PPP3CA: variants seen among roughly 807,000 people sequenced by gnomAD.
PPP3CA encodes CAM-PRP catalytic subunit.
PPP3CA carries 14 observed loss-of-function variants against 66.5 expected under a neutral mutation model. The observed-to-expected ratio is 0.21, with a 90% confidence interval of 0.14 to 0.33. The LOEUF is 0.33. PPP3CA is among the 10% of genes least tolerant of loss of function. PPP3CA has a pLI of 1.00. For synonymous variants in PPP3CA, 232 were observed against 226.2 expected (o/e 1.03, Z -0.23); for missense variants, 317 against 639.5 (o/e 0.50, Z 5.44).
chr4:101,124,781 AAG>A (rs1722188753), intron 2 of PPP3CA, among the ~76,000 whole-genome samples: 1 of 129,538 alleles, frequency 7.7e-6, no homozygotes, highest in South Asian at 2.6e-4. Flanking sequence ...GAAAGAAAGA[AAG>A]AAAGAAAGAA....
Position 101,211,059 on chromosome 4 carries a change from C to G in PPP3CA, c.59-14943G>C, listed in dbSNP as rs117192561. Among the ~76,000 whole-genome samples the G allele has an allele frequency of 2.4e-3, 364 of 152,288 alleles. 1 individual carries two copies. The highest frequency in any genetic ancestry group is 4.0e-3 in the Non-Finnish European group (275 of 68,018). ...GCAGATTTACTTCACTGAATTTTCA[C>G]AACAGTCTTGTGATTTGGGTACTAT... On this transcript the variant is annotated intron_variant, in intron 1 of 13. Transcript: ENST00000394854.
rs1229571135 is a variant in PPP3CA, at chr4:101,113,621, G to T, written c.260-4543C>A. ...TGGATATTTCAGCTGTAAGATAAGG[G>T]ATTTATCCTTAAGTCCTATTATCTC... is the stretch of plus-strand genomic sequence containing the variant. On this transcript the variant is annotated intron_variant, in intron 2 of 13. Transcript: ENST00000394854. 3.3e-5 allele frequency among the ~76,000 whole-genome samples: 5 copies of T among 152,204 alleles called. 1 individual carries two copies. The highest frequency in any genetic ancestry group is 4.4e-5 in the Non-Finnish European group (3 of 67,994).
chr4:101,066,800 G>A (rs1222809081), intron 8 of PPP3CA, among the ~76,000 whole-genome samples: 1 of 152,024 alleles, frequency 6.6e-6, no homozygotes, highest in Non-Finnish European at 1.5e-5. Context: ...ACTGTCATTG[G>A]GATTACAAAA....
chr4:101,085,485 A>G (rs1729624729), intron 6 of PPP3CA, among the ~76,000 whole-genome samples: 1 of 152,232 alleles, frequency 6.6e-6, no homozygotes, highest in South Asian at 2.1e-4. Context: ...GGAAATCTGA[A>G]AAAAATAAAA....
intron 1 of PPP3CA, among the ~76,000 whole-genome samples, chr4:101,305,181 T>C (rs574817213): frequency 1.3e-5 from 2 of 152,320 alleles, no homozygotes; most frequent in East Asian, 3.9e-4. Context: ...TCCCAGTGGT[T>C]TGGAATGGCT....
At chr4:101,287,471 T>C (rs1234279632) in intron 1 of PPP3CA, among the ~76,000 whole-genome samples, 2 of 152,196 alleles carry the variant, frequency 1.3e-5, no homozygotes, top group Admixed American at 6.5e-5. Context: ...ATATTCAGCA[T>C]AGAAACACAA....
intron 8 of PPP3CA, among the ~76,000 whole-genome samples, chr4:101,070,343 A>C (rs959136584): frequency 2.0e-5 from 3 of 152,204 alleles, no homozygotes; most frequent in African/African-American, 7.2e-5. Flanking sequence ...CATAACTAAC[A>C]AAATATAAAC....
Position 101,324,158 on chromosome 4 carries a change from A to AAGGG in PPP3CA, c.58+22580_58+22581insCCCT, listed in dbSNP as rs1491503916. Among the ~76,000 whole-genome samples, 40 of 51,182 alleles carry AAGGG rather than the reference A, an allele frequency of 7.8e-4. 1 individual carries two copies. Among genetic ancestry groups the AAGGG allele is most frequent in the African/African-American group, 2.1e-3 (33 of 15,434 alleles). 33.6% of individuals were successfully genotyped at this position (51,182 alleles called of 152,430 possible). A position where few individuals can be genotyped will look rare whatever the true frequency, so the allele number is the denominator to read the frequency against. ...AAGGAAGGGAAGGAAGGGAGGGAGG[A>AAGGG]AGGAAGGAAGGAAGGAAGGAAGGAA... On this transcript the variant is annotated intron_variant, in intron 1 of 13. Transcript: ENST00000394854.
At chr4:101,166,280 T>C (rs1723691128) in intron 2 of PPP3CA, among the ~76,000 whole-genome samples, 1 of 152,148 alleles carries the variant, frequency 6.6e-6, no homozygotes, top group Non-Finnish European at 1.5e-5. Flanking sequence ...AGGTACACAA[T>C]TCTTTGGTGT....
intron 1 of PPP3CA, among the ~76,000 whole-genome samples, chr4:101,320,042 G>C (rs1728992541): frequency 6.6e-6 from 1 of 152,024 alleles, no homozygotes; most frequent in African/African-American, 2.4e-5. Context: ...AGTGAATAGA[G>C]GGACAACAAG....
intron 1 of PPP3CA, among the ~76,000 whole-genome samples, chr4:101,241,550 G>A (rs1726310454): frequency 6.6e-6 from 1 of 151,906 alleles, no homozygotes; most frequent in East Asian, 1.9e-4. Context: ...ATGTCATATT[G>A]TAGAATATTT....
chr4:101,233,766 G>A (rs563385221), intron 1 of PPP3CA, among the ~76,000 whole-genome samples: 7 of 151,368 alleles, frequency 4.6e-5, no homozygotes, highest in Admixed American at 1.3e-4. Context: ...TTTAGGTGCA[G>A]GGGTACATGT....
chr4:101,074,603 C>T (rs995306976), intron 8 of PPP3CA, among the ~76,000 whole-genome samples: 1 of 152,174 alleles, frequency 6.6e-6, no homozygotes, highest in Admixed American at 6.5e-5. Context: ...ATTACAGCAG[C>T]AATTCCATTC....
chr4:101,249,276 T>C (rs1346018975), intron 1 of PPP3CA, among the ~76,000 whole-genome samples: 2 of 152,108 alleles, frequency 1.3e-5, no homozygotes, highest in African/African-American at 4.8e-5. Flanking sequence ...TACAGACACG[T>C]TATCCACCTT....
chr4:101,315,905 T>C (rs1208742388), intron 1 of PPP3CA, among the ~76,000 whole-genome samples: 2 of 152,178 alleles, frequency 1.3e-5, no homozygotes, highest in African/African-American at 2.4e-5. Flanking sequence ...GGTTTCGGAC[T>C]GCTGAAAACC....
At chr4:101,154,610 A>T (rs1171383691) in intron 2 of PPP3CA, among the ~76,000 whole-genome samples, 1 of 152,144 alleles carries the variant, frequency 6.6e-6, no homozygotes, top group Non-Finnish European at 1.5e-5. Flanking sequence ...TGGATTTTAG[A>T]AATTGCTGCT....
intron 2 of PPP3CA, among the ~76,000 whole-genome samples, chr4:101,194,134 C>T (rs1017834332): frequency 5.3e-5 from 8 of 152,062 alleles, no homozygotes; most frequent in Non-Finnish European, 1.0e-4. Flanking sequence ...TAATGTTCCT[C>T]GAGCCAATTC....
intron 1 of PPP3CA, among the ~76,000 whole-genome samples, chr4:101,302,140 G>C (rs1728398900): frequency 6.6e-6 from 1 of 152,050 alleles, no homozygotes; most frequent in Non-Finnish European, 1.5e-5. Context: ...GCTGTAGATA[G>C]AGCACTAGAT....
At chr4:101,294,420 A>G (rs1728127081) in intron 1 of PPP3CA, among the ~76,000 whole-genome samples, 1 of 152,198 alleles carries the variant, frequency 6.6e-6, no homozygotes, top group Non-Finnish European at 1.5e-5. Context: ...TATGACACAC[A>G]TTAAGTTTTA....
Sources: gnomAD v4.1 joint callset for allele counts (sites outside exome capture counted in the v4.1 genomes callset) on GRCh38, gnomAD v4.1.1 for gene constraint, MANE v1.5 for transcripts, NCBI Gene and HGNC (gene_info 2026-07-23, HGNC 2026-07-21) for gene names.